SLC71A1: variants seen among roughly 807,000 people sequenced by gnomAD.
The protein encoded by SLC71A1 is hippocampus abundant gene transcript 1.
chr1:100,077,319 G>A, the SLC71A1 span: 4 of 1,017,660 alleles, frequency 3.9e-6, no homozygotes, highest in Admixed American at 2.0e-5. Context: ...TAATTTTGGT[G>A]TTAGCCCTTG....
chr1:100,066,714 G>A, the SLC71A1 span, among the ~76,000 whole-genome samples: 19 of 152,252 alleles, frequency 1.2e-4, no homozygotes, highest in East Asian at 3.7e-3. Flanking sequence ...AATAGGCCGG[G>A]CATGGTGGCT....
the SLC71A1 span, among the ~76,000 whole-genome samples, chr1:100,054,464 G>A: frequency 6.6e-6 from 1 of 151,956 alleles, no homozygotes; most frequent in East Asian, 1.9e-4. Flanking sequence ...ACCCACCTAA[G>A]CCTCCCAAAG....
At chr1:100,082,271 G>A in the SLC71A1 span, 1 of 1,245,394 alleles carries the variant, frequency 8.0e-7, no homozygotes, top group South Asian at 1.3e-5. Flanking sequence ...CTCTAGTTCT[G>A]GATGTACATT....
the SLC71A1 span, chr1:100,077,302 A>C: frequency 1.7e-6 from 2 of 1,190,760 alleles, no homozygotes; most frequent in Non-Finnish European, 2.5e-6. Flanking sequence ...TTTAATGTTA[A>C]TATTTTTAAT....
At chr1:100,070,888 A>AG in the SLC71A1 span, among the ~76,000 whole-genome samples, 2 of 152,206 alleles carry the variant, frequency 1.3e-5, no homozygotes, top group Non-Finnish European at 2.9e-5. Context: ...CCATTTCTCG[A>AG]GTAGGATTCC....
chr1:100,082,933 G>C, the SLC71A1 span: 1 of 152,442 alleles, frequency 6.6e-6, no homozygotes, highest in Non-Finnish European at 1.5e-5. Context: ...TTTAATGTTT[G>C]CATAATCATA....
chr1:100,068,477 T>TA, the SLC71A1 span: 4 of 1,606,802 alleles, frequency 2.5e-6, no homozygotes, highest in Non-Finnish European at 2.6e-6. Context: ...TTCTAGTCCT[T>TA]AAAAAAAGTC....
the SLC71A1 span, chr1:100,077,285 T>G: frequency 3.6e-4 from 467 of 1,302,158 alleles, 5 homozygotes; most frequent in South Asian, 3.2e-3. Flanking sequence ...TTGGTAAGTA[T>G]AAATATTTTA....
At chr1:100,054,024 G>T in the SLC71A1 span, among the ~76,000 whole-genome samples, 14 of 141,012 alleles carry the variant, frequency 9.9e-5, no homozygotes, top group South Asian at 2.3e-4. Context: ...GAATTTACCG[G>T]TTTTTTTTTT....
chr1:100,073,159 T>C, the SLC71A1 span, among the ~76,000 whole-genome samples: 1 of 152,102 alleles, frequency 6.6e-6, no homozygotes, highest in Non-Finnish European at 1.5e-5. Flanking sequence ...ATCACCTCTC[T>C]CTCCAAAATA....
At chr1:100,038,710 G>A in the SLC71A1 span, among the ~76,000 whole-genome samples, 1 of 152,160 alleles carries the variant, frequency 6.6e-6, no homozygotes. Flanking sequence ...CGGAGCCGTC[G>A]CCGCGCTTGT....
the SLC71A1 span, among the ~76,000 whole-genome samples, chr1:100,056,078 TA>T: frequency 7.2e-5 from 11 of 152,312 alleles, no homozygotes; most frequent in East Asian, 2.1e-3. Flanking sequence ...AAATGTAGAA[TA>T]AATGTTGGCT....
the SLC71A1 span, among the ~76,000 whole-genome samples, chr1:100,046,918 C>G: frequency 6.6e-6 from 1 of 152,172 alleles, no homozygotes. Context: ...TTGTATCCTG[C>G]AACTTCAGTG....
chr1:100,054,530 A>T, the SLC71A1 span, among the ~76,000 whole-genome samples: 1 of 151,882 alleles, frequency 6.6e-6, no homozygotes, highest in Admixed American at 6.6e-5. Flanking sequence ...CTTTTGACAG[A>T]CCTATGGCTC....
chr1:100,042,186 A>G, the SLC71A1 span, among the ~76,000 whole-genome samples: 2 of 152,204 alleles, frequency 1.3e-5, no homozygotes, highest in Non-Finnish European at 2.9e-5. Flanking sequence ...TTTTGGCCAT[A>G]CAATTGTGGA....
At chr1:100,077,309 T>A in the SLC71A1 span, 2 of 1,137,534 alleles carry the variant, frequency 1.8e-6, no homozygotes, top group Non-Finnish European at 2.6e-6. Context: ...TTAATATTTT[T>A]AATTTTGGTG....
the SLC71A1 span, chr1:100,082,339 C>G: frequency 1.4e-6 from 1 of 696,618 alleles, no homozygotes; most frequent in East Asian, 2.7e-5. Flanking sequence ...TGCATGAACT[C>G]CGTGGGAACT....
the SLC71A1 span, among the ~76,000 whole-genome samples, chr1:100,050,202 G>A: frequency 6.6e-6 from 1 of 152,094 alleles, no homozygotes; most frequent in Non-Finnish European, 1.5e-5. Flanking sequence ...TGGCGTGGAG[G>A]TGTTTGAATT....
At chr1:100,065,709 CCTTTTCCCT>C in the SLC71A1 span, among the ~76,000 whole-genome samples, 6,405 of 131,326 alleles carry the variant, frequency 0.049, 159 homozygotes, top group African/African-American at 0.067. Flanking sequence ...TTTCCCTAAG[CCTTTTCCCT>C]TTTTTAACCC....
Sources: gnomAD v4.1 joint callset for allele counts (sites outside exome capture counted in the v4.1 genomes callset) on GRCh38, gnomAD v4.1.1 for gene constraint, MANE v1.5 for transcripts, NCBI Gene and HGNC (gene_info 2026-07-23, HGNC 2026-07-21) for gene names.